The following PHF20 variants were observed in gnomAD, a reference collection of about 807,000 sequenced individuals.
The protein encoded by PHF20 is PHD finger protein 20.
Under a neutral mutation model 113.5 loss-of-function variants are expected in PHF20, and 23 were observed. The observed-to-expected ratio is 0.20, with a 90% CI of 0.15 to 0.29. The LOEUF (loss-of-function observed/expected upper bound fraction) is 0.29. Among genes scored for constraint, PHF20 ranks in the 10% least tolerant of loss-of-function variants. PHF20 has a pLI of 1.00. For missense variants in PHF20, 943 were observed against 1,219.6 expected (o/e 0.77, Z 3.38); for synonymous variants, 434 against 457.3 (o/e 0.95, Z 0.65).
At chr20:35,832,137 C>T (rs1214617639) in intron 2 of PHF20, among the ~76,000 whole-genome samples, 1 of 152,192 alleles carries the variant, frequency 6.6e-6, no homozygotes, top group Non-Finnish European at 1.5e-5. Context: ...CTCTCAGAAA[C>T]TCTCCCCAGC....
intron 10 of PHF20, among the ~76,000 whole-genome samples, chr20:35,902,939 A>G (rs1315036364): frequency 2.0e-5 from 3 of 151,832 alleles, no homozygotes; most frequent in African/African-American, 7.3e-5. Flanking sequence ...CCAACCACTG[A>G]TGAGCTACAA....
rs1222235896 is a variant in PHF20, at chr20:35,914,046, TGAG to T, written c.1678_1680del (p.Glu560del). The T allele has an allele frequency of 1.9e-6, 3 of 1,614,098 alleles. No individual in the cohort carries two copies. In the East Asian group the frequency reaches 6.7e-5, roughly 36 times the overall value. The stretch of plus-strand genomic sequence containing the variant: ...CTGTTCTTCCAGAATGCCCCTGCAG[TGAG>T]GAGATCAGTGACACCTCCCAGGAAC... On this transcript the variant is annotated inframe_deletion, in exon 12 of 18. Coordinates refer to ENST00000374012, the MANE Select transcript of PHF20 (RefSeq NM_016436.5).
chr20:35,912,590 G>T (rs1291695910), intron 10 of PHF20, among the ~76,000 whole-genome samples: 1 of 152,158 alleles, frequency 6.6e-6, no homozygotes, highest in Non-Finnish European at 1.5e-5. Flanking sequence ...CCAGCACTTT[G>T]GGAAGCTGAG....
At chr20:35,914,973 A>AC (rs1049612919) in intron 12 of PHF20, among the ~76,000 whole-genome samples, 1 of 149,744 alleles carries the variant, frequency 6.7e-6, no homozygotes, top group African/African-American at 2.4e-5. Context: ...CAAAAAAAAA[A>AC]AAAAAACAGT....
chr20:35,872,001 C>T, intron 9 of PHF20, 172 bp downstream of exon 9: 2 of 468,744 alleles, frequency 4.3e-6, no homozygotes, highest in Non-Finnish European at 7.4e-6. Flanking sequence ...ATTTGTGTTC[C>T]CTCTCTTAGT....
At chr20:35,818,676 A>G (rs1439692592) in intron 2 of PHF20, among the ~76,000 whole-genome samples, 1 of 152,038 alleles carries the variant, frequency 6.6e-6, no homozygotes, top group African/African-American at 2.4e-5. Flanking sequence ...GGCTGGGACT[A>G]TAGGTGCATG....
At chr20:35,877,083 G>T (rs2054538844) in intron 9 of PHF20, among the ~76,000 whole-genome samples, 1 of 138,484 alleles carries the variant, frequency 7.2e-6, no homozygotes, top group Non-Finnish European at 1.6e-5. Flanking sequence ...CTCCAGCCTG[G>T]GCGACAGAGT....
chr20:35,779,355 G>A (rs6058322), intron 1 of PHF20, among the ~76,000 whole-genome samples: 124,358 of 151,916 alleles, frequency 0.82, 51,135 homozygotes, highest in East Asian at 0.88. Context: ...TTTTTATTCA[G>A]TGATAGTTTA....
At chr20:35,779,257 G>A (rs2146825968) in intron 1 of PHF20, among the ~76,000 whole-genome samples, 2 of 152,004 alleles carry the variant, frequency 1.3e-5, no homozygotes, top group East Asian at 1.9e-4. Flanking sequence ...GGCTGGTCTC[G>A]AACTCCTGAC....
chr20:35,881,539 TAA>T (rs373064389), intron 9 of PHF20, among the ~76,000 whole-genome samples: 10 of 109,384 alleles, frequency 9.1e-5, no homozygotes, highest in East Asian at 2.6e-4. Flanking sequence ...AGACTCTGTC[TAA>T]AAAAAAAAAA....
chr20:35,912,591 G>A (rs77049997), intron 10 of PHF20, among the ~76,000 whole-genome samples: 39,435 of 151,974 alleles, frequency 0.26, 6,147 homozygotes, highest in African/African-American at 0.44. Context: ...CAGCACTTTG[G>A]GAAGCTGAGG....
chr20:35,911,535 G>A (rs1386432811), intron 10 of PHF20, among the ~76,000 whole-genome samples: 2 of 152,186 alleles, frequency 1.3e-5, no homozygotes, highest in African/African-American at 4.8e-5. Context: ...ATGTTGTAGT[G>A]GATGGCAAGG....
At chr20:35,800,423 A>G (rs2041756961) in intron 1 of PHF20, among the ~76,000 whole-genome samples, 1 of 121,848 alleles carries the variant, frequency 8.2e-6, no homozygotes, top group Admixed American at 8.7e-5. Flanking sequence ...GAGACTCCTC[A>G]AAAAACAAAC....
chr20:35,925,646 G>T (rs1045929987), intron 13 of PHF20, among the ~76,000 whole-genome samples: 1 of 151,490 alleles, frequency 6.6e-6, no homozygotes, highest in South Asian at 2.1e-4. Context: ...GGAACAGGGT[G>T]CACTGTACAT....
intron 1 of PHF20, among the ~76,000 whole-genome samples, chr20:35,788,084 TTTTA>T (rs1165083873): frequency 6.6e-6 from 1 of 151,204 alleles, no homozygotes; most frequent in Admixed American, 6.6e-5. Flanking sequence ...AGCTCTATAT[TTTTA>T]TTTATTTGTT....
rs1455705159 is a variant in PHF20, at chr20:35,862,868, C to T, written c.421-145C>T. On this transcript the variant is annotated intron_variant, in intron 5 of 17. Transcript: ENST00000374012. Reference sequence around the variant, plus strand: ...TTGGTTCTCAACTCAGTACAGGTGGCTGTTGTCAGTGGTGCTTTGTATATG... The same window carrying T: ...TTGGTTCTCAACTCAGTACAGGTGGTTGTTGTCAGTGGTGCTTTGTATATG... The T allele has an allele frequency of 7.3e-6, 5 of 681,652 alleles. No individual in the cohort carries two copies. The African/African-American group carries it at 9.0e-5, about 12-fold the overall frequency. The allele number at this position is 681,652 out of a possible 1,614,324, so 42.2% of individuals were successfully genotyped here.
At chr20:35,796,719 T>C (rs146758099) in intron 1 of PHF20, among the ~76,000 whole-genome samples, 8 of 152,304 alleles carry the variant, frequency 5.3e-5, no homozygotes, top group African/African-American at 1.7e-4. Context: ...TCTAAAGATA[T>C]GAATATAAGC....
intron 12 of PHF20, 150 bp downstream of exon 12, chr20:35,914,347 A>G (rs1280010316): frequency 2.6e-6 from 2 of 778,530 alleles, no homozygotes; most frequent in East Asian, 5.4e-5. Context: ...AGTGTTTACA[A>G]AACTTATGTT....
chr20:35,921,091 T>C (rs968482313), intron 13 of PHF20, among the ~76,000 whole-genome samples: 1 of 152,148 alleles, frequency 6.6e-6, no homozygotes, highest in Admixed American at 6.5e-5. Context: ...AGTGGCTCAT[T>C]TGTTTTTCTC....
Sources: allele counts gnomAD v4.1 joint callset (sites outside exome capture counted in the v4.1 genomes callset), GRCh38; gene constraint gnomAD v4.1.1; transcripts MANE v1.5; gene names NCBI Gene and HGNC (gene_info 2026-07-23, HGNC 2026-07-21).